Variants in CACNA1A observed in about 807,000 individuals in gnomAD.
CACNA1A encodes the protein calcium voltage-gated channel subunit alpha1 A.
A neutral mutation model predicts 262.4 loss-of-function variants in CACNA1A; 57 were observed. The ratio of observed to expected loss-of-function variants is 0.22; its 90% CI spans 0.18 to 0.27. The LOEUF is 0.27. Ranked by LOEUF, CACNA1A falls within the 10% of genes least tolerant of loss-of-function variation. CACNA1A has a pLI of 1.00. For missense variants in CACNA1A, 2,526 were observed against 3,562.8 expected, an observed-to-expected ratio of 0.71 and a Z score of 7.41; for synonymous variants, 1,431 against 1,419.3, an observed-to-expected ratio of 1.01 and a Z score of -0.18.
chr19:13,461,377 A>T (rs1476961774), intron 1 of CACNA1A, among the ~76,000 whole-genome samples: 1 of 132,578 alleles, frequency 7.5e-6, no homozygotes, highest in African/African-American at 2.7e-5. Flanking sequence ...AAACAAAACA[A>T]AACAAAAATC....
chr19:13,235,755 G>A, intron 31 of CACNA1A, 25 bp from the exon 32 acceptor site: 1 of 1,534,288 alleles, frequency 6.5e-7, no homozygotes, highest in Non-Finnish European at 9.0e-7. Flanking sequence ...GAAGAGGGGT[G>A]ACCATCCACC....
chr19:13,297,079 T>C (rs531247868), intron 19 of CACNA1A, among the ~76,000 whole-genome samples: 1 of 152,202 alleles, frequency 6.6e-6, no homozygotes, highest in Non-Finnish European at 1.5e-5. Flanking sequence ...TGGCTGAAAA[T>C]GGCCAAAAAT....
intron 3 of CACNA1A, among the ~76,000 whole-genome samples, chr19:13,406,822 T>A (rs1410367974): frequency 1.3e-5 from 2 of 151,772 alleles, no homozygotes; most frequent in Non-Finnish European, 2.9e-5. Context: ...CTTCCATGGC[T>A]CCCTTGTGCC....
intron 26 of CACNA1A, 101 bp downstream of exon 26, chr19:13,261,349 A>T: frequency 9.8e-7 from 1 of 1,022,858 alleles, no homozygotes; most frequent in Non-Finnish European, 1.4e-6. Flanking sequence ...AAGGCTCATC[A>T]CTTCTCCAGT....
At chr19:13,377,521 C>T (rs1351651094) in intron 3 of CACNA1A, among the ~76,000 whole-genome samples, 1 of 150,692 alleles carries the variant, frequency 6.6e-6, no homozygotes, top group Non-Finnish European at 1.5e-5. Context: ...CGCCACCATG[C>T]CCAGCTAATT....
chr19:13,390,985 C>T (rs2059701195), intron 3 of CACNA1A, among the ~76,000 whole-genome samples: 1 of 152,086 alleles, frequency 6.6e-6, no homozygotes, highest in Non-Finnish European at 1.5e-5. Flanking sequence ...CTCCCTGGTT[C>T]AAGCAATTCC....
At chr19:13,301,468 C>G (rs917667575) in intron 17 of CACNA1A, among the ~76,000 whole-genome samples, 10 of 152,218 alleles carry the variant, frequency 6.6e-5, no homozygotes, top group Non-Finnish European at 1.5e-5. Flanking sequence ...GCCCCCATGA[C>G]AGGAAGGCGG....
chr19:13,408,473 A>G (rs1288628432), intron 3 of CACNA1A, among the ~76,000 whole-genome samples: 2 of 152,230 alleles, frequency 1.3e-5, no homozygotes, highest in Non-Finnish European at 2.9e-5. Context: ...CAGAGATTCC[A>G]AGATCTTCAA....
intron 3 of CACNA1A, among the ~76,000 whole-genome samples, chr19:13,448,028 C>G (rs72999630): frequency 0.23 from 34,001 of 150,544 alleles, 4,624 homozygotes; most frequent in Middle Eastern, 0.36. Context: ...TTAACCATCA[C>G]ACTGCTCAAT....
chr19:13,224,648 G>C lies in CACNA1A; in HGVS notation c.5731+19C>G. 1.9e-6 allele frequency: 3 copies of C among 1,558,238 alleles called. No homozygotes were observed. Among genetic ancestry groups the C allele is most frequent in the Non-Finnish European group, 2.6e-6 (3 of 1,139,544 alleles). On this transcript the variant is annotated intron_variant, in intron 38 of 46. Coordinates refer to ENST00000360228, the MANE Select transcript of CACNA1A (RefSeq NM_001127222.2). ...CACCCTGTCACGCCTGTCTGTGCCC[G>C]CCCCTGTCCCTTCCTTACCCTTGGC...
intron 19 of CACNA1A, among the ~76,000 whole-genome samples, chr19:13,288,683 G>A (rs974329965): frequency 4.6e-5 from 7 of 152,106 alleles, no homozygotes; most frequent in Non-Finnish European, 7.3e-5. Context: ...GCCATCTACA[G>A]GTGGACAAAG....
chr19:13,437,065 A>G (rs2060625372), intron 3 of CACNA1A, among the ~76,000 whole-genome samples: 2 of 152,238 alleles, frequency 1.3e-5, no homozygotes, highest in African/African-American at 2.4e-5. Context: ...AGGAGGGAGC[A>G]TATCTCAGAC....
chr19:13,375,229 G>A (rs1212540387), intron 3 of CACNA1A, among the ~76,000 whole-genome samples: 1 of 151,930 alleles, frequency 6.6e-6, no homozygotes, highest in Non-Finnish European at 1.5e-5. Context: ...ATTGTTTGGG[G>A]GTGCCACGAA....
In CACNA1A at chr19:13,348,214, C is replaced by T. The variant is rs140269461; in HGVS notation, c.978+11392G>A. ...CTGGGATTCCAGGCGTGAGCCACCA[C>T]GCCTGGCCAGGGACATGCATTTATG... On this transcript the variant is annotated intron_variant, in intron 6 of 46. Transcript: ENST00000360228. Among the ~76,000 whole-genome samples the T allele has an allele frequency of 7.7e-3, 1,176 of 152,268 alleles. 12 individuals are homozygous for T. Among genetic ancestry groups the T allele is most frequent in the Middle Eastern group, 0.014 (4 of 294 alleles).
At chr19:13,379,523 G>A (rs191822433) in intron 3 of CACNA1A, among the ~76,000 whole-genome samples, 67 of 152,238 alleles carry the variant, frequency 4.4e-4, no homozygotes, top group Non-Finnish European at 6.9e-4. Context: ...AGAGCAAGGG[G>A]AAAGGACGCG....
At chr19:13,360,309 CAG>C (rs1187389787) in intron 5 of CACNA1A, among the ~76,000 whole-genome samples, 8 of 122,340 alleles carry the variant, frequency 6.5e-5, no homozygotes, top group Non-Finnish European at 8.4e-5. Context: ...GAGAGGAAGA[CAG>C]GGAGAGAACG....
At chr19:13,400,044 T>C (rs1830683538) in intron 3 of CACNA1A, among the ~76,000 whole-genome samples, 1 of 152,128 alleles carries the variant, frequency 6.6e-6, no homozygotes, top group South Asian at 2.1e-4. Flanking sequence ...GATGAAAAAG[T>C]CAGCACCCAT....
intron 3 of CACNA1A, 134 bp downstream of exon 3, chr19:13,452,742 G>A: frequency 1.4e-6 from 1 of 735,956 alleles, no homozygotes; most frequent in East Asian, 2.5e-5. Flanking sequence ...TTGGCAGAAA[G>A]GAGGCAGGCG....
At chr19:13,330,095 TCTGCCCAGGACACACGCACA>T in intron 10 of CACNA1A, 129 bp downstream of exon 10, 1 of 561,660 alleles carries the variant, frequency 1.8e-6, no homozygotes, top group Non-Finnish European at 3.2e-6. Context: ...AATGATGTAA[TCTGCCCAGGACACACGCACA>T]GGTGGGAAAG....
Sources: allele counts gnomAD v4.1 joint callset (sites outside exome capture counted in the v4.1 genomes callset), GRCh38; gene constraint gnomAD v4.1.1; transcripts MANE v1.5; gene names NCBI Gene and HGNC (gene_info 2026-07-23, HGNC 2026-07-21).